DPH6: variants seen among roughly 807,000 people sequenced by gnomAD.
DPH6 encodes diphthamine biosynthesis 6.
A neutral mutation model predicts 38.2 loss-of-function variants in DPH6; 33 were observed. That is an observed-to-expected ratio of 0.86 (90% CI 0.65 to 1.15). The LOEUF is 1.15. Among genes scored for constraint, DPH6 ranks in the 50% most tolerant of loss-of-function variants. The pLI is 0.00. For synonymous variants in DPH6, 108 were observed against 103.0 expected, an observed-to-expected ratio of 1.05 and a Z score of -0.30; for missense variants, 325 against 320.0, an observed-to-expected ratio of 1.02 and a Z score of -0.12.
chr15:35,300,472 A>T (rs1160142840), intron 3 of DPH6, among the ~76,000 whole-genome samples: 2 of 152,206 alleles, frequency 1.3e-5, no homozygotes, highest in African/African-American at 4.8e-5. Context: ...GAAAAGCAGC[A>T]GGTAGATTCT....
chr15:35,410,449 A>C (rs1330818907), intron 6 of DPH6, among the ~76,000 whole-genome samples: 1 of 151,676 alleles, frequency 6.6e-6, no homozygotes, highest in Non-Finnish European at 1.5e-5. Flanking sequence ...TAATTGGTAA[A>C]AGAGAAGGGG....
At chr15:35,527,005 A>G (rs1259142047) in intron 3 of DPH6, among the ~76,000 whole-genome samples, 1 of 152,180 alleles carries the variant, frequency 6.6e-6, no homozygotes, top group East Asian at 1.9e-4. Flanking sequence ...ATGTAGAAGG[A>G]TCAATTCAAT....
chr15:35,454,359 G>A (rs1178273558), intron 4 of DPH6, among the ~76,000 whole-genome samples: 1 of 152,092 alleles, frequency 6.6e-6, no homozygotes, highest in East Asian at 1.9e-4. Flanking sequence ...GGACTCCTTA[G>A]TAAACATTTT....
intron 3 of DPH6, among the ~76,000 whole-genome samples, chr15:35,279,976 A>T (rs370593086): frequency 3.7e-4 from 56 of 152,184 alleles, no homozygotes; most frequent in African/African-American, 1.3e-3. Flanking sequence ...CCCCACACAC[A>T]TGTACCAGGG....
rs72708935 is a variant in DPH6, at chr15:35,298,626, T to C, written n.200+74895A>G. 1,944 of 970,812 alleles carry C rather than the reference T, an allele frequency of 2.0e-3. 4 individuals carry two copies. Among genetic ancestry groups the C allele is most frequent in the Admixed American group, 2.5e-3 (148 of 59,070 alleles). 60.1% of individuals were successfully genotyped at this position (970,812 alleles called of 1,614,324 possible). A position where few individuals can be genotyped will look rare whatever the true frequency, so the allele number is the denominator to read the frequency against. Reference sequence around the variant, plus strand: ...TCCGTGGCGTCACCCACGATGATCTTGCCACCAAGCTTGCTGGTCTTCTCC... The same window carrying C: ...TCCGTGGCGTCACCCACGATGATCTCGCCACCAAGCTTGCTGGTCTTCTCC... On this transcript the variant is annotated intron_variant and non_coding_transcript_variant, in intron 3 of 3. Coordinates refer to the DPH6 transcript ENST00000560386.
chr15:35,267,929 G>C lies in DPH6; in HGVS notation n.201-47347C>G, dbSNP rs545453336. 4.9e-4 allele frequency among the ~76,000 whole-genome samples: 75 copies of C among 152,270 alleles called. 1 individual carries two copies. In the South Asian group the frequency reaches 0.015, roughly 30 times the overall value. ...CTCACGTCTGTAATCCCAGCACTTT[G>C]GGAGGCCGAGGCCGGCAGATCATGA... On this transcript the variant is annotated intron_variant and non_coding_transcript_variant, in intron 3 of 3. Coordinates refer to the DPH6 transcript ENST00000560386.
chr15:35,411,162 C>G (rs2053361492), intron 5 of DPH6, among the ~76,000 whole-genome samples: 1 of 151,524 alleles, frequency 6.6e-6, no homozygotes. Context: ...TTCCTTTATC[C>G]ATTTTGAGGA....
chr15:35,435,152 C>T (rs368577260), intron 5 of DPH6, among the ~76,000 whole-genome samples: 2 of 152,074 alleles, frequency 1.3e-5, no homozygotes, highest in East Asian at 1.9e-4. Flanking sequence ...GTAGAATGGT[C>T]GATTATCTAC....
At chr15:35,446,722 G>T (rs2053858799) in intron 5 of DPH6, among the ~76,000 whole-genome samples, 1 of 152,114 alleles carries the variant, frequency 6.6e-6, no homozygotes, top group Non-Finnish European at 1.5e-5. Flanking sequence ...TGTGCAGGGG[G>T]TTGGTGCTCC....
the DPH6 span, among the ~76,000 whole-genome samples, chr15:35,151,977 T>C: frequency 2.6e-5 from 4 of 152,198 alleles, no homozygotes; most frequent in Non-Finnish European, 5.9e-5. Context: ...CTACAACTGC[T>C]GTCACTCACT....
intron 3 of DPH6, among the ~76,000 whole-genome samples, chr15:35,336,410 T>C (rs1395479206): frequency 6.6e-6 from 1 of 152,156 alleles, no homozygotes; most frequent in African/African-American, 2.4e-5. Context: ...TTCACTTCAT[T>C]TCATTCATTT....
At chr15:35,239,238 A>C (rs2051580267) in intron 3 of DPH6, among the ~76,000 whole-genome samples, 1 of 142,968 alleles carries the variant, frequency 7.0e-6, no homozygotes. Flanking sequence ...TCTCTTCTCC[A>C]ACTTCCCTCA....
At chr15:35,184,434 C>T in the DPH6 span, among the ~76,000 whole-genome samples, 2 of 152,130 alleles carry the variant, frequency 1.3e-5, no homozygotes, top group African/African-American at 4.8e-5. Flanking sequence ...ATAGGATTGG[C>T]CTCAAAGCCT....
chr15:35,437,703 C>CA (rs1881794614), intron 5 of DPH6, among the ~76,000 whole-genome samples: 1 of 152,210 alleles, frequency 6.6e-6, no homozygotes, highest in Non-Finnish European at 1.5e-5. Context: ...GGATGAGATA[C>CA]AGGCCTAGTA....
At chr15:35,196,091 A>G in the DPH6 span, among the ~76,000 whole-genome samples, 3 of 152,220 alleles carry the variant, frequency 2.0e-5, no homozygotes, top group Non-Finnish European at 4.4e-5. Flanking sequence ...TAGGGTACTC[A>G]GTCATGTTTA....
the DPH6 span, among the ~76,000 whole-genome samples, chr15:35,173,648 T>C: frequency 6.6e-6 from 1 of 152,126 alleles, no homozygotes; most frequent in Non-Finnish European, 1.5e-5. Context: ...TTACAGAGTC[T>C]GTCCTGTATC....
intron 3 of DPH6, among the ~76,000 whole-genome samples, chr15:35,357,427 C>G (rs968000286): frequency 1.3e-5 from 2 of 152,186 alleles, no homozygotes. Flanking sequence ...TTGGCTCCCT[C>G]TGTGTATTTT....
chr15:35,245,920 C>T (rs950615534), intron 3 of DPH6, among the ~76,000 whole-genome samples: 1 of 152,132 alleles, frequency 6.6e-6, no homozygotes, highest in Non-Finnish European at 1.5e-5. Flanking sequence ...CAAGCCTGCA[C>T]GTATACATCC....
chr15:35,453,807 A>AGT (rs72523329), intron 4 of DPH6, among the ~76,000 whole-genome samples: 1 of 21,592 alleles, frequency 4.6e-5, no homozygotes, highest in South Asian at 5.1e-3. Flanking sequence ...TAAAAATGAA[A>AGT]CAAGTGTTCA....
Sources: gnomAD v4.1 joint callset for allele counts (sites outside exome capture counted in the v4.1 genomes callset) on GRCh38, gnomAD v4.1.1 for gene constraint, MANE v1.5 for transcripts, NCBI Gene and HGNC (gene_info 2026-07-23, HGNC 2026-07-21) for gene names.